MTF1: variants seen among roughly 807,000 people sequenced by gnomAD.
MTF1 encodes the protein metal regulatory transcription factor 1.
Under a neutral mutation model 70.4 loss-of-function variants are expected in MTF1, and 22 were observed. The observed-to-expected ratio is 0.31, with a 90% confidence interval of 0.22 to 0.45. The LOEUF is 0.45. Among genes scored for constraint, MTF1 ranks in the 20% least tolerant of loss-of-function variants. MTF1 has a pLI of 1.00. For synonymous variants in MTF1, 333 were observed against 352.8 expected (o/e 0.94, Z 0.63); for missense variants, 649 against 922.0 (o/e 0.70, Z 3.83).
Position 37,858,048 on chromosome 1 carries a change from C to T in MTF1, c.-51-339G>A, listed in dbSNP as rs564085451. Among the ~76,000 whole-genome samples, 111 of 150,186 alleles carry T rather than the reference C, an allele frequency of 7.4e-4. 1 individual carries two copies. Among genetic ancestry groups the T allele is most frequent in the African/African-American group, 2.6e-3 (108 of 41,118 alleles). ...AAAAAAAAAGAAAAAGAAAGAAAAG[C>T]AATGCTTTTCAAAAACTGAATAAGT... is the stretch of plus-strand genomic sequence containing the variant. On this transcript the variant is annotated intron_variant, in intron 1 of 10. Transcript: ENST00000373036.
At chr1:37,856,628 T>C (rs1291602439) in intron 2 of MTF1, among the ~76,000 whole-genome samples, 2 of 151,166 alleles carry the variant, frequency 1.3e-5, no homozygotes, top group Non-Finnish European at 2.9e-5. Context: ...GCCTCCTGAG[T>C]AGCTGGGATT....
intron 2 of MTF1, among the ~76,000 whole-genome samples, chr1:37,843,293 G>A (rs550548369): frequency 2.6e-5 from 4 of 151,996 alleles, no homozygotes; most frequent in African/African-American, 4.8e-5. Flanking sequence ...AAGCCACCAC[G>A]CCTGGCCTGG....
intron 9 of MTF1, among the ~76,000 whole-genome samples, chr1:37,821,708 C>A (rs1640912903): frequency 6.6e-6 from 1 of 152,192 alleles, no homozygotes; most frequent in Non-Finnish European, 1.5e-5. Context: ...CAAGTTAGCT[C>A]TCTGACTTGG....
chr1:37,847,459 A>G (rs150151663), intron 2 of MTF1, among the ~76,000 whole-genome samples: 59 of 152,346 alleles, frequency 3.9e-4, no homozygotes, highest in African/African-American at 1.4e-3. Flanking sequence ...TGATCGGTAC[A>G]TATCAGGTAT....
chr1:37,837,781 C>T (rs904462102), intron 4 of MTF1, among the ~76,000 whole-genome samples: 3 of 152,238 alleles, frequency 2.0e-5, no homozygotes, highest in African/African-American at 7.2e-5. Context: ...GCTGGAATTA[C>T]AGGCATGAGC....
intron 9 of MTF1, 70 bp from the exon 10 acceptor site, chr1:37,817,552 C>T (rs1640839381): frequency 2.9e-6 from 3 of 1,027,394 alleles, no homozygotes; most frequent in East Asian, 2.4e-5. Context: ...CCTGAAGCCT[C>T]ACCAACTGTA....
chr1:37,827,002 A>T (rs777102020), intron 7 of MTF1, among the ~76,000 whole-genome samples: 1 of 152,146 alleles, frequency 6.6e-6, no homozygotes, highest in African/African-American at 2.4e-5. Context: ...ACAACTTCCA[A>T]CTTCCAGTCC....
intron 5 of MTF1, 68 bp from the exon 6 acceptor site, chr1:37,835,283 T>C (rs550686099): frequency 7.3e-7 from 1 of 1,360,570 alleles, no homozygotes; most frequent in South Asian, 1.2e-5. Context: ...AATCTACCTT[T>C]CCCTAATAGA....
At chr1:37,838,277 T>G (rs1189879001) in intron 4 of MTF1, among the ~76,000 whole-genome samples, 1 of 152,196 alleles carries the variant, frequency 6.6e-6, no homozygotes, top group African/African-American at 2.4e-5. Context: ...AAATTTGTGG[T>G]TTTTTGTCAC....
chr1:37,814,086 G>A lies in MTF1; in HGVS notation c.*1050C>T, dbSNP rs186226419. 6.6e-6 allele frequency: 1 copy of A among 152,562 alleles called. No homozygotes were observed. The highest frequency in any genetic ancestry group is 2.1e-4 in the South Asian group (1 of 4,808). 9.5% of individuals were successfully genotyped at this position (152,562 alleles called of 1,614,324 possible). A position where few individuals can be genotyped will look rare whatever the true frequency, so the allele number is the denominator to read the frequency against. ...ATGAGGCTGTATGCAAAATCCAGAG[G>A]GGGGCAGAGATGGAGGGGGCAACCC... On this transcript the variant is annotated 3_prime_UTR_variant, in exon 11 of 11. Coordinates refer to ENST00000373036, the MANE Select transcript of MTF1 (RefSeq NM_005955.3).
Position 37,838,676 on chromosome 1 carries a change from AGTGTG to A in MTF1, c.723_727del (p.Thr242GlnfsTer2), listed in dbSNP as rs1641206678. 1 of 1,610,058 alleles carries A rather than the reference AGTGTG, an allele frequency of 6.2e-7. No individual in the cohort carries two copies. The highest frequency in any genetic ancestry group is 1.3e-5 in the African/African-American group (1 of 74,698). On this transcript the variant is annotated frameshift_variant, in exon 4 of 11. Transcript: ENST00000373036. LOFTEE classifies it high-confidence loss of function. ...TCGAATGTGCTTCCTCAGATCACTG[AGTGTG>A]GTGAAGTATTTGCTGCAGCCTTCAG...
rs1641235838 is a variant in MTF1 at position 37,840,264 on chromosome 1, G to C, written c.409-106C>G. On this transcript the variant is annotated intron_variant, in intron 2 of 10. Transcript: ENST00000373036. The surrounding 1 kb of genome is among the most constrained non-coding windows in gnomAD (Gnocchi z 4.5). ...AGAGATGCTGTGGACAATACAACTG[G>C]GTTTTCATCATAAACACAGAAAACA... 6 of 1,011,206 alleles carry C rather than the reference G, an allele frequency of 5.9e-6. No homozygotes were observed. The East Asian group carries it at 9.6e-5, about 16-fold the overall frequency. The allele number at this position is 1,011,206 out of a possible 1,614,324, so 62.6% of individuals were successfully genotyped here. A position where few individuals can be genotyped will look rare whatever the true frequency, so the allele number is the denominator to read the frequency against.
intron 9 of MTF1, among the ~76,000 whole-genome samples, chr1:37,820,649 G>T (rs1019563278): frequency 1.3e-5 from 2 of 152,196 alleles, no homozygotes; most frequent in African/African-American, 4.8e-5. Flanking sequence ...GAAGGACAAG[G>T]AATTTTAAAA....
At chr1:37,816,195 C>T (rs933036334) in intron 10 of MTF1, among the ~76,000 whole-genome samples, 1 of 152,202 alleles carries the variant, frequency 6.6e-6, no homozygotes, top group Non-Finnish European at 1.5e-5. Flanking sequence ...CGAACACTTG[C>T]TCCATATTCA....
Position 37,843,974 on chromosome 1 carries a change from A to C in MTF1, c.409-3816T>G, listed in dbSNP as rs528978199. On this transcript the variant is annotated intron_variant, in intron 2 of 10. Transcript: ENST00000373036. ...TTCTCTTTCCACTGCCACACAGAAG[A>C]AGCTCCATAAATATTTGTTAAACTG... Among the ~76,000 whole-genome samples, 10 of 152,220 alleles carry C rather than the reference A, an allele frequency of 6.6e-5. No individual in the cohort carries two copies. The East Asian group carries it at 7.7e-4, about 12-fold the overall frequency.
intron 2 of MTF1, among the ~76,000 whole-genome samples, chr1:37,847,458 C>T (rs1344231322): frequency 6.6e-6 from 1 of 152,176 alleles, no homozygotes; most frequent in Admixed American, 6.5e-5. Context: ...GTGATCGGTA[C>T]ATATCAGGTA....
intron 10 of MTF1, among the ~76,000 whole-genome samples, chr1:37,816,853 T>C (rs763616809): frequency 6.6e-6 from 1 of 151,988 alleles, no homozygotes; most frequent in African/African-American, 2.4e-5. Flanking sequence ...CAGTGAGACC[T>C]TGTCTCAAAA....
chr1:37,817,178 G>A (rs1640831797), intron 10 of MTF1, among the ~76,000 whole-genome samples: 1 of 152,180 alleles, frequency 6.6e-6, no homozygotes. Flanking sequence ...AGCTGTATCT[G>A]AAAGGGAAAG....
intron 7 of MTF1, chr1:37,826,656 G>C: frequency 2.3e-6 from 1 of 432,888 alleles, no homozygotes; most frequent in Non-Finnish European, 4.6e-6. Context: ...CAGTGATCCT[G>C]ATTGCCAATA....
Sources: gnomAD v4.1 joint callset for allele counts (sites outside exome capture counted in the v4.1 genomes callset) on GRCh38, gnomAD v4.1.1 for gene constraint, Gnocchi (gnomAD v3.1) non-coding constraint, MANE v1.5 for transcripts, NCBI Gene and HGNC (gene_info 2026-07-23, HGNC 2026-07-21) for gene names.